NBEA: variants seen among roughly 807,000 people sequenced by gnomAD.
NBEA encodes the protein neurobeachin.
NBEA carries 44 observed loss-of-function variants against 343.4 expected under a neutral mutation model. The ratio of observed to expected loss-of-function variants is 0.13; its 90% CI spans 0.10 to 0.16. The LOEUF (loss-of-function observed/expected upper bound fraction) is 0.16, where lower values mean the gene tolerates loss of function less well. Ranked by LOEUF, NBEA falls within the 10% of genes least tolerant of loss-of-function variation. The pLI, the probability that NBEA is intolerant of heterozygous loss-of-function variation, is 1.00. For missense variants in NBEA, 2,555 were observed against 3,631.3 expected (o/e 0.70, Z 7.62); for synonymous variants, 1,175 against 1,238.7 (o/e 0.95, Z 1.08).
At chr13:35,646,041 G>C in intron 50 of NBEA, 110 bp downstream of exon 50, 1 of 763,566 alleles carries the variant, frequency 1.3e-6, no homozygotes, top group Admixed American at 2.8e-5. Context: ...AATAAGAATA[G>C]TGACTGGGTT....
intron 1 of NBEA, among the ~76,000 whole-genome samples, chr13:35,017,179 C>T (rs2061686887): frequency 6.6e-6 from 1 of 152,030 alleles, no homozygotes; most frequent in Admixed American, 6.6e-5. Flanking sequence ...AGTGGTGACA[C>T]AGTTATTTTT....
At chr13:35,538,567 G>C (rs1248059573) in intron 41 of NBEA, among the ~76,000 whole-genome samples, 3 of 152,164 alleles carry the variant, frequency 2.0e-5, no homozygotes, top group Non-Finnish European at 4.4e-5. Context: ...AGAATACCTG[G>C]ATCAGCTGTT....
intron 45 of NBEA, among the ~76,000 whole-genome samples, chr13:35,578,864 G>A (rs1288836178): frequency 6.6e-6 from 1 of 151,624 alleles, no homozygotes; most frequent in Admixed American, 6.6e-5. Context: ...ACAGATCCAA[G>A]CCTAAACAAA....
intron 47 of NBEA, among the ~76,000 whole-genome samples, chr13:35,601,803 A>G (rs1405602363): frequency 6.8e-6 from 1 of 146,834 alleles, no homozygotes; most frequent in Non-Finnish European, 1.5e-5. Flanking sequence ...AAAAAGAATG[A>G]CTGGATTGTT....
At chr13:35,095,074 C>A (rs548523850) in intron 10 of NBEA, among the ~76,000 whole-genome samples, 6 of 151,556 alleles carry the variant, frequency 4.0e-5, no homozygotes, top group Non-Finnish European at 7.4e-5. Context: ...CAGAGAGCTA[C>A]CTTTGAACAG....
chr13:35,472,642 C>T, intron 41 of NBEA, 106 bp downstream of exon 41: 2 of 1,090,700 alleles, frequency 1.8e-6, no homozygotes, highest in Non-Finnish European at 2.8e-6. Flanking sequence ...GCACATTCTC[C>T]TCTTTCTCAT....
chr13:35,378,592 A>G (rs2041860161), intron 38 of NBEA, among the ~76,000 whole-genome samples: 1 of 152,084 alleles, frequency 6.6e-6, no homozygotes, highest in South Asian at 2.1e-4. Context: ...ACACGTTGAA[A>G]TGGACTATAG....
intron 38 of NBEA, among the ~76,000 whole-genome samples, chr13:35,368,657 T>G (rs1384066039): frequency 2.0e-5 from 3 of 151,614 alleles, no homozygotes; most frequent in Admixed American, 6.6e-5. Flanking sequence ...CTCCAGATAT[T>G]TTAAGTGGCT....
intron 50 of NBEA, 76 bp downstream of exon 50, chr13:35,646,007 C>G: frequency 1.1e-6 from 1 of 939,092 alleles, no homozygotes; most frequent in Non-Finnish European, 1.6e-6. Context: ...GTTAGATTTT[C>G]CACATTTAAC....
intron 33 of NBEA, among the ~76,000 whole-genome samples, chr13:35,227,598 T>C (rs548724849): frequency 6.6e-6 from 1 of 152,182 alleles, no homozygotes; most frequent in South Asian, 2.1e-4. Flanking sequence ...TTATTTCTTT[T>C]TGTTCTATGT....
intron 41 of NBEA, among the ~76,000 whole-genome samples, chr13:35,506,914 C>G (rs1202917467): frequency 1.3e-5 from 2 of 152,216 alleles, no homozygotes; most frequent in East Asian, 3.9e-4. Flanking sequence ...CTTTTAATAT[C>G]CATCCATTTT....
intron 40 of NBEA, among the ~76,000 whole-genome samples, chr13:35,470,392 C>A (rs1433163619): frequency 6.7e-6 from 1 of 150,164 alleles, no homozygotes; most frequent in African/African-American, 2.5e-5. Flanking sequence ...TTTTCATGTT[C>A]TCAATTTGGA....
intron 17 of NBEA, among the ~76,000 whole-genome samples, chr13:35,126,429 G>A (rs901594921): frequency 6.6e-6 from 1 of 151,936 alleles, no homozygotes; most frequent in African/African-American, 2.4e-5. Flanking sequence ...TAAAATATTG[G>A]ACAAATACTG....
At chr13:35,289,307 A>G (rs1354434187) in intron 34 of NBEA, among the ~76,000 whole-genome samples, 2 of 151,942 alleles carry the variant, frequency 1.3e-5, no homozygotes, top group African/African-American at 2.4e-5. Flanking sequence ...TCTAAAAACT[A>G]TGAATGTTCT....
At chr13:35,046,551 T>G (rs2062863749) in intron 4 of NBEA, among the ~76,000 whole-genome samples, 1 of 152,194 alleles carries the variant, frequency 6.6e-6, no homozygotes, top group Non-Finnish European at 1.5e-5. Context: ...CGGATGGTAC[T>G]GAACCATCTA....
chr13:35,146,403 C>T (rs937371439), intron 18 of NBEA, among the ~76,000 whole-genome samples: 7 of 152,152 alleles, frequency 4.6e-5, no homozygotes, highest in Admixed American at 1.3e-4. Flanking sequence ...ATATTATTTC[C>T]TGCCATGTCG....
chr13:35,196,791 T>G (rs963832748), intron 31 of NBEA, among the ~76,000 whole-genome samples: 2 of 151,888 alleles, frequency 1.3e-5, no homozygotes, highest in African/African-American at 4.9e-5. Context: ...AATTTTAAAA[T>G]TGTTTGTGGT....
chr13:35,617,285 G>A (rs2082778172), intron 48 of NBEA, among the ~76,000 whole-genome samples: 1 of 152,126 alleles, frequency 6.6e-6, no homozygotes, highest in Non-Finnish European at 1.5e-5. Flanking sequence ...TTATTCCATG[G>A]AGCGAAAGGC....
intron 34 of NBEA, among the ~76,000 whole-genome samples, chr13:35,285,165 C>T (rs924029894): frequency 2.0e-5 from 3 of 152,090 alleles, no homozygotes; most frequent in African/African-American, 7.2e-5. Context: ...CCTGGTGGCT[C>T]AAGCCTGTAA....
Sources: allele counts gnomAD v4.1 joint callset (sites outside exome capture counted in the v4.1 genomes callset), GRCh38; gene constraint gnomAD v4.1.1; transcripts MANE v1.5; gene names NCBI Gene and HGNC (gene_info 2026-07-23, HGNC 2026-07-21).